The following PHKA2 variants were observed in gnomAD, a reference collection of about 807,000 sequenced individuals.
PHKA2 encodes phosphorylase b kinase regulatory subunit alpha, liver isoform.
A neutral mutation model predicts 102.0 loss-of-function variants in PHKA2; 31 were observed. The ratio of observed to expected loss-of-function variants is 0.30; its 90% CI spans 0.23 to 0.41. PHKA2 has a LOEUF of 0.41. Among genes scored for constraint, PHKA2 ranks in the 10% least tolerant of loss-of-function variants. PHKA2 has a pLI of 1.00. For missense variants in PHKA2, 858 were observed against 1,023.1 expected (o/e 0.84, Z 2.20); for synonymous variants, 455 against 416.2 (o/e 1.09, Z -1.13).
intron 19 of PHKA2, among the ~76,000 whole-genome samples, chrX:18,913,424 G>A (rs1390347878): frequency 1.0e-5 from 1 of 96,621 alleles, no homozygotes; most frequent in African/African-American, 3.8e-5. Context: ...TTTTTTTTTT[G>A]AGATGGAGTC....
intron 1 of PHKA2, among the ~76,000 whole-genome samples, chrX:18,969,897 C>T (rs2048997324): frequency 8.9e-6 from 1 of 112,301 alleles, no homozygotes; most frequent in Non-Finnish European, 1.9e-5. Flanking sequence ...ATATTCTATA[C>T]TTATTGTTCT....
At chrX:18,956,301 G>A (rs2048772836) in intron 1 of PHKA2, among the ~76,000 whole-genome samples, 1 of 111,801 alleles carries the variant, frequency 8.9e-6, no homozygotes, top group Admixed American at 9.5e-5. Flanking sequence ...TCCAGCCTGG[G>A]TGACAGAGTG....
intron 11 of PHKA2, 105 bp downstream of exon 11, chrX:18,935,950 A>C: frequency 1.7e-6 from 1 of 577,909 alleles, no homozygotes; most frequent in Non-Finnish European, 3.0e-6. Flanking sequence ...TTGGAGAAAA[A>C]GTGTTCATTA....
rs890689184 is a variant in PHKA2, at chrX:18,941,387, T to C, written c.864+142A>G. 20 of 584,794 alleles carry C rather than the reference T, an allele frequency of 3.4e-5. No homozygotes were observed. In the Admixed American group the frequency reaches 4.9e-4, roughly 14 times the overall value. The allele number at this position is 584,794 out of a possible 1,213,427, so 48.2% of individuals were successfully genotyped here. A position where few individuals can be genotyped will look rare whatever the true frequency, so the allele number is the denominator to read the frequency against. On this transcript the variant is annotated intron_variant, in intron 8 of 32. Transcript: ENST00000379942. ...TAAATCACTCGGAGACTTTGTTTTC[T>C]TGCCTGTAGACTCAGCTTTGAACGC... is the stretch of plus-strand genomic sequence containing the variant.
Position 18,908,808 on chromosome X carries a change from C to T in PHKA2, c.2353G>A (p.Val785Ile). The change falls in exon 21 of 33, where the codon GTC (valine) becomes ATC (isoleucine). Residue 785 changes from valine to isoleucine, a missense_variant. Physicochemically the swap from Val to Ile is conservative, Grantham distance 29. Coordinates refer to ENST00000379942, the MANE Select transcript of PHKA2 (RefSeq NM_000292.3). ...DQADILYILYVIKGPSWDTNL... is the reference protein window; with the variant it reads ...DQADILYILYIIKGPSWDTNL... Reference sequence around the variant, plus strand: ...ATGGACTCAGACACTTACTTTATGACATAAAGAATGTACAGAATGTCTGCT... The same window carrying T: ...ATGGACTCAGACACTTACTTTATGATATAAAGAATGTACAGAATGTCTGCT... 2.5e-6 allele frequency: 3 copies of T among 1,204,534 alleles called. No individual in the cohort carries two copies. Among genetic ancestry groups the T allele is most frequent in the Non-Finnish European group, 3.4e-6 (3 of 888,852 alleles).
chrX:18,930,409 G>A (rs2048293237), intron 12 of PHKA2, among the ~76,000 whole-genome samples: 1 of 110,868 alleles, frequency 9.0e-6, no homozygotes, highest in Admixed American at 9.6e-5. Context: ...CCCCGAGAGA[G>A]AGGATCAAGG....
chrX:18,968,606 T>C, intron 1 of PHKA2, among the ~76,000 whole-genome samples: 1 of 110,840 alleles, frequency 9.0e-6, no homozygotes, highest in East Asian at 2.8e-4. Flanking sequence ...GAATGAATCA[T>C]TTGCCCATGT....
At chrX:18,921,432 C>A (rs2048119809) in intron 17 of PHKA2, among the ~76,000 whole-genome samples, 1 of 111,369 alleles carries the variant, frequency 9.0e-6, no homozygotes, top group Non-Finnish European at 1.9e-5. Flanking sequence ...AAAAGAAAAA[C>A]AACAACAACC....
chrX:18,951,682 C>A (rs764613758), intron 3 of PHKA2, among the ~76,000 whole-genome samples: 13 of 111,690 alleles, frequency 1.2e-4, no homozygotes, highest in Non-Finnish European at 2.1e-4. Flanking sequence ...TCTTTTCTTG[C>A]GCTGACTGAG....
At position 18,956,459 on chromosome X, in the gene PHKA2, AAAAC is replaced by A. The variant is rs769816990; in HGVS notation, c.79-2051_79-2048del. 3.6e-5 allele frequency among the ~76,000 whole-genome samples: 4 copies of A among 112,302 alleles called. No individual in the cohort carries two copies. In the East Asian group the frequency reaches 1.1e-3, roughly 31 times the overall value. ...TGTGCCCACCAACCATGAGTCTACT[AAAAC>A]AAACAACCTTCTGGTGACACAGCAG... On this transcript the variant is annotated intron_variant, in intron 1 of 32. Transcript: ENST00000379942.
intron 1 of PHKA2, among the ~76,000 whole-genome samples, chrX:18,971,239 A>T (rs762542942): frequency 1.8e-5 from 2 of 112,522 alleles, no homozygotes; most frequent in Non-Finnish European, 3.7e-5. Context: ...GCCAACACTT[A>T]GAATTATGCT....
At chrX:18,982,472 A>G (rs976627858) in intron 1 of PHKA2, among the ~76,000 whole-genome samples, 2 of 112,285 alleles carry the variant, frequency 1.8e-5, no homozygotes, top group Non-Finnish European at 3.8e-5. Flanking sequence ...CGTTGTACGC[A>G]TATTACCTTT....
At chrX:18,918,901 G>A in intron 18 of PHKA2, 47 bp from the exon 19 acceptor site, 1 of 1,081,697 alleles carries the variant, frequency 9.2e-7, no homozygotes, top group Non-Finnish European at 1.3e-6. Flanking sequence ...CCAAGCTGTA[G>A]AAATATGACT....
chrX:18,948,969 A>T (rs1311404572), intron 4 of PHKA2, 143 bp from the exon 5 acceptor site: 1 of 451,641 alleles, frequency 2.2e-6, no homozygotes, highest in African/African-American at 2.4e-5. Flanking sequence ...AGTCTTAAGT[A>T]AGGCATAACA....
chrX:18,917,069 C>T (rs1293740340), intron 19 of PHKA2, among the ~76,000 whole-genome samples: 1 of 108,284 alleles, frequency 9.2e-6, no homozygotes, highest in African/African-American at 3.4e-5. Flanking sequence ...GAGACAGGGC[C>T]TCACTATCTT....
chrX:18,918,407 C>T (rs1601727517), intron 19 of PHKA2, among the ~76,000 whole-genome samples: 1 of 112,190 alleles, frequency 8.9e-6, no homozygotes, highest in African/African-American at 3.2e-5. Flanking sequence ...TGATTTAAGA[C>T]AGCCAGATCC....
At chrX:18,899,428 C>T (rs1341914649) in intron 28 of PHKA2, among the ~76,000 whole-genome samples, 2 of 112,643 alleles carry the variant, frequency 1.8e-5, no homozygotes, top group East Asian at 2.8e-4. Flanking sequence ...TTCGACTCCA[C>T]GTGAAACTTA....
intron 1 of PHKA2, among the ~76,000 whole-genome samples, chrX:18,963,943 C>T (rs985983443): frequency 1.7e-4 from 19 of 111,085 alleles, no homozygotes; most frequent in African/African-American, 5.9e-4. Flanking sequence ...TGGTTCCTTC[C>T]AATCCATCCT....
Position 18,936,109 on chromosome X carries a change from T to G in PHKA2, c.1083A>C (p.Arg361Ser). ...YREALEGILI[R>S]GKNGIRLVPE... ...GCACCAGGCGGATCCCATTCTTGCCTCTGATGAGTATTCCCTCCAGGGCCT... is the reference window on the plus strand; with the variant it reads ...GCACCAGGCGGATCCCATTCTTGCCGCTGATGAGTATTCCCTCCAGGGCCT... The change falls in exon 11 of 33, where the codon AGA (arginine) becomes AGC (serine). Residue 361 changes from arginine (R) to serine (S), a missense_variant. Around this residue, in one of 2 missense-constraint regions of PHKA2, gnomAD observed 671 missense variants for 745.2 expected, o/e 0.90. Transcript: ENST00000379942. The G allele has an allele frequency of 1.7e-6, 2 of 1,207,830 alleles. No homozygotes were observed. The highest frequency in any genetic ancestry group is 2.2e-6 in the Non-Finnish European group (2 of 892,385).
Sources: gnomAD v4.1 joint callset for allele counts (sites outside exome capture counted in the v4.1 genomes callset) on GRCh38, gnomAD v4.1.1 for gene constraint, gnomAD v4.1.1 regional missense constraint, MANE v1.5 for transcripts, NCBI Gene and HGNC (gene_info 2026-07-23, HGNC 2026-07-21) for gene names.